CFAP47: variants seen among roughly 807,000 people sequenced by gnomAD.
CFAP47 encodes the protein cilia- and flagella-associated protein 47.
A neutral mutation model predicts 148.1 loss-of-function variants in CFAP47; 29 were observed. The ratio of observed to expected loss-of-function variants is 0.20; its 90% CI spans 0.15 to 0.27. CFAP47 has a LOEUF of 0.27. Ranked by LOEUF, CFAP47 falls within the 10% of genes least tolerant of loss-of-function variation. The pLI is 1.00. For synonymous variants in CFAP47, 664 were observed against 577.3 expected (o/e 1.15, Z -2.15); for missense variants, 1,872 against 1,697.5 (o/e 1.10, Z -1.81).
intron 30 of CFAP47, among the ~76,000 whole-genome samples, chrX:36,092,337 C>T (rs1165284092): frequency 1.8e-5 from 2 of 111,263 alleles, no homozygotes; most frequent in African/African-American, 6.5e-5. Flanking sequence ...ACTCAATAAA[C>T]ATTGGATGAC....
intron 41 of CFAP47, 93 bp downstream of exon 41, chrX:36,188,783 A>G: frequency 7.0e-6 from 2 of 285,382 alleles, no homozygotes; most frequent in Non-Finnish European, 1.2e-5. Flanking sequence ...AGGGATGGTT[A>G]CAAGAATAGA....
intron 52 of CFAP47, 144 bp downstream of exon 52, chrX:36,299,296 ACTGACTTACAGTTAGC>A (rs1326811155): frequency 2.5e-3 from 831 of 332,912 alleles, no homozygotes; most frequent in African/African-American, 0.021. Context: ...GAAAAAATGT[ACTGACTTACAGTTAGC>A]TTTTGCTTGC....
chrX:36,230,311 G>A (rs1555992261), intron 46 of CFAP47, among the ~76,000 whole-genome samples: 1 of 107,550 alleles, frequency 9.3e-6, no homozygotes, highest in Non-Finnish European at 1.9e-5. Flanking sequence ...TCTAACTGGT[G>A]TGAGATGGTA....
Position 36,001,670 on chromosome X carries a change from C to T in CFAP47, c.3380C>T (p.Thr1127Ile). 1 of 295,863 alleles carries T rather than the reference C, an allele frequency of 3.4e-6. No individual in the cohort carries two copies. Among genetic ancestry groups the T allele is most frequent in the Non-Finnish European group, 5.9e-6 (1 of 169,010 alleles). The allele number at this position is 295,863 out of a possible 1,213,427, so 24.4% of individuals were successfully genotyped here. A position where few individuals can be genotyped will look rare whatever the true frequency, so the allele number is the denominator to read the frequency against. Residue 1127 changes from threonine to isoleucine, a missense_variant, in exon 21 of 64, where the codon ACA (threonine) becomes ATA (isoleucine). Physicochemically the swap from Thr to Ile is moderately conservative, Grantham distance 89. Transcript: ENST00000378653. The stretch of plus-strand genomic sequence containing the variant: ...TATTCTTTGGAATTAGAGGAAAATA[C>T]ATCTCTGGAATGTAGCATAACATTT... ...YIYSLELEEN[T>I]SLECSITFSP...
chrX:36,060,718 C>T (rs1937586676), intron 26 of CFAP47, among the ~76,000 whole-genome samples: 1 of 111,181 alleles, frequency 9.0e-6, no homozygotes, highest in African/African-American at 3.3e-5. Flanking sequence ...AACCTAAAGT[C>T]TATTTTAGGG....
chrX:36,019,241 CTCAA>C (rs1362743965), intron 22 of CFAP47, among the ~76,000 whole-genome samples: 1 of 111,769 alleles, frequency 8.9e-6, no homozygotes, highest in Non-Finnish European at 1.9e-5. Flanking sequence ...AGACTGTGGC[CTCAA>C]TCAGTCAGTG....
At chrX:36,179,642 A>G (rs1172951687) in intron 40 of CFAP47, among the ~76,000 whole-genome samples, 1 of 111,936 alleles carries the variant, frequency 8.9e-6, no homozygotes, top group Non-Finnish European at 1.9e-5. Flanking sequence ...GTAGATTTTC[A>G]TTATTTGTGG....
chrX:36,295,271 ATTAACT>A (rs1474653768), intron 51 of CFAP47, among the ~76,000 whole-genome samples: 1 of 112,405 alleles, frequency 8.9e-6, no homozygotes, highest in Non-Finnish European at 1.9e-5. Flanking sequence ...CTGAACACAA[ATTAACT>A]TTAAAAGCCT....
intron 26 of CFAP47, among the ~76,000 whole-genome samples, chrX:36,064,676 G>A (rs1937621817): frequency 8.9e-6 from 1 of 111,764 alleles, no homozygotes; most frequent in Admixed American, 9.6e-5. Flanking sequence ...ACTAGTAGAT[G>A]ATAGATGGCT....
At chrX:36,243,108 T>G (rs955548369) in intron 48 of CFAP47, among the ~76,000 whole-genome samples, 1 of 111,421 alleles carries the variant, frequency 9.0e-6, no homozygotes, top group South Asian at 3.7e-4. Flanking sequence ...AGTGGAGAGA[T>G]AAAATCTTTC....
intron 10 of CFAP47, among the ~76,000 whole-genome samples, chrX:35,969,115 A>G (rs972058014): frequency 7.2e-5 from 8 of 111,034 alleles, no homozygotes; most frequent in African/African-American, 2.3e-4. Flanking sequence ...TTTTAAAAAT[A>G]AGGCCAAGTA....
intron 40 of CFAP47, among the ~76,000 whole-genome samples, chrX:36,182,826 C>A (rs750717621): frequency 1.8e-5 from 2 of 112,605 alleles, no homozygotes; most frequent in African/African-American, 6.5e-5. Context: ...CTGTTTTCCT[C>A]TACTTAGGCT....
At chrX:36,085,178 G>C (rs1370795259) in intron 29 of CFAP47, 136 bp from the exon 30 acceptor site, 6 of 401,329 alleles carry the variant, frequency 1.5e-5, no homozygotes, top group Non-Finnish European at 2.6e-5. Context: ...TGGTAGCCTA[G>C]TGAAGTGTAT....
At chrX:36,189,857 A>G (rs1443194462) in intron 41 of CFAP47, among the ~76,000 whole-genome samples, 194 bp from the exon 42 acceptor site, 2 of 112,442 alleles carry the variant, frequency 1.8e-5, no homozygotes, top group African/African-American at 6.5e-5. Flanking sequence ...GAATCTTTAT[A>G]GAGGGTCATA....
intron 33 of CFAP47, among the ~76,000 whole-genome samples, chrX:36,111,387 T>G (rs913076862): frequency 5.3e-5 from 6 of 112,598 alleles, no homozygotes; most frequent in Non-Finnish European, 9.4e-5. Flanking sequence ...TAGTTCTGTT[T>G]ATGTGATTCA....
chrX:36,224,887 T>G (rs1940253347), intron 45 of CFAP47, among the ~76,000 whole-genome samples: 1 of 112,132 alleles, frequency 8.9e-6, no homozygotes, highest in Non-Finnish European at 1.9e-5. Context: ...ATTGATTTTT[T>G]GTTCCAACTA....
At chrX:36,340,785 C>A (rs1941645492) in intron 57 of CFAP47, among the ~76,000 whole-genome samples, 2 of 110,749 alleles carry the variant, frequency 1.8e-5, no homozygotes, top group South Asian at 7.6e-4. Context: ...TGCGACTCTC[C>A]TTCAAACCAC....
chrX:36,077,430 C>T (rs887314608), intron 29 of CFAP47, among the ~76,000 whole-genome samples: 1 of 107,706 alleles, frequency 9.3e-6, no homozygotes, highest in South Asian at 4.1e-4. Flanking sequence ...TTGTTTGTGT[C>T]ATCTATGATT....
intron 40 of CFAP47, among the ~76,000 whole-genome samples, chrX:36,184,493 T>C (rs1170311953): frequency 3.6e-5 from 4 of 112,216 alleles, no homozygotes; most frequent in Admixed American, 1.9e-4. Context: ...CTATGTTTTA[T>C]TGTAGACTGT....
Sources: gnomAD v4.1 joint callset for allele counts (sites outside exome capture counted in the v4.1 genomes callset) on GRCh38, gnomAD v4.1.1 for gene constraint, MANE v1.5 for transcripts, NCBI Gene and HGNC (gene_info 2026-07-23, HGNC 2026-07-21) for gene names.